The following RPS6KA1 variants were observed in gnomAD, a reference collection of about 807,000 sequenced individuals.
RPS6KA1 encodes the protein ribosomal protein S6 kinase A1, also known as ribosomal protein S6 kinase alpha-1.
Under a neutral mutation model 91.3 loss-of-function variants are expected in RPS6KA1, and 48 were observed. The observed-to-expected ratio is 0.53, with a 90% confidence interval of 0.42 to 0.67. The LOEUF (loss-of-function observed/expected upper bound fraction) is 0.67, where lower values mean the gene tolerates loss of function less well. Ranked by LOEUF, RPS6KA1 falls within the 30% of genes least tolerant of loss-of-function variation. The pLI, the probability that RPS6KA1 is intolerant of heterozygous loss-of-function variation, is 0.00. For synonymous variants in RPS6KA1, 359 were observed against 384.7 expected (o/e 0.93, Z 0.78); for missense variants, 719 against 960.5 (o/e 0.75, Z 3.32).
rs541054398 is a variant in RPS6KA1 at position 26,558,689 on chromosome 1, C to T, written c.1085-118C>T. The T allele has an allele frequency of 3.7e-5, 46 of 1,241,292 alleles. No individual in the cohort carries two copies. Among genetic ancestry groups the T allele is most frequent in the Non-Finnish European group, 4.8e-5 (42 of 883,392 alleles). The allele number at this position is 1,241,292 out of a possible 1,614,324, so 76.9% of individuals were successfully genotyped here. A position where few individuals can be genotyped will look rare whatever the true frequency, so the allele number is the denominator to read the frequency against. ...GTGATGGACAGGCCCTCTGCAGGCT[C>T]CCGCCACGGCCAGCCCCTGAGGCAG... On this transcript the variant is annotated intron_variant, in intron 13 of 21. Coordinates refer to ENST00000374168, the MANE Select transcript of RPS6KA1 (RefSeq NM_002953.4). This position sits in a 1 kb window ranked among gnomAD's most constrained non-coding sequence, Gnocchi z 4.0.
chr1:26,552,918 T>C, intron 6 of RPS6KA1: 1 of 347,356 alleles, frequency 2.9e-6, no homozygotes. Flanking sequence ...TATTGGTTTC[T>C]TGTTTAACTT....
chr1:26,572,388 C>T, intron 20 of RPS6KA1, 95 bp downstream of exon 20: 1 of 801,178 alleles, frequency 1.2e-6, no homozygotes, highest in South Asian at 1.5e-5. Flanking sequence ...CTCATTTCTC[C>T]AAGCGGATGT....
Position 26,555,085 on chromosome 1 carries a change from T to A in RPS6KA1, c.757-66T>A. ...TGGGACTGGGGCAGAGGGGTCTGACTGGGAGGAGGCGGGAGGTGTGTCGGA... is the reference window on the plus strand; with the variant it reads ...TGGGACTGGGGCAGAGGGGTCTGACAGGGAGGAGGCGGGAGGTGTGTCGGA... On this transcript the variant is annotated intron_variant, in intron 9 of 21. Coordinates refer to ENST00000374168, the MANE Select transcript of RPS6KA1 (RefSeq NM_002953.4). The surrounding 1 kb of genome is among the most constrained non-coding windows in gnomAD (Gnocchi z 4.3). 6.7e-7 allele frequency: 1 copy of A among 1,498,958 alleles called. No individual in the cohort carries two copies. Among genetic ancestry groups the A allele is most frequent in the Non-Finnish European group, 9.3e-7 (1 of 1,077,920 alleles). 92.9% of individuals were successfully genotyped at this position (1,498,958 alleles called of 1,614,324 possible).
chr1:26,570,988 C>T lies in RPS6KA1; in HGVS notation c.1591-461C>T, dbSNP rs377342603. On this transcript the variant is annotated intron_variant, in intron 17 of 21. Coordinates refer to ENST00000374168, the MANE Select transcript of RPS6KA1 (RefSeq NM_002953.4). ...AAATACAAAAATCAGCCAGCCATGG[C>T]GGCGGGTGCCTGTAATCCCAGCTAC... is the stretch of plus-strand genomic sequence containing the variant. Among the ~76,000 whole-genome samples, 21 of 148,998 alleles carry T rather than the reference C, an allele frequency of 1.4e-4. No individual in the cohort carries two copies. The East Asian group carries it at 2.1e-3, about 15-fold the overall frequency.
chr1:26,541,643 G>A (rs1037300461), intron 2 of RPS6KA1, among the ~76,000 whole-genome samples: 1 of 152,256 alleles, frequency 6.6e-6, no homozygotes, highest in African/African-American at 2.4e-5. Context: ...TCCTGACCTA[G>A]TGTTGGAGGC....
At position 26,561,003 on chromosome 1, in the gene RPS6KA1, C is replaced by T. The variant is rs181209389; in HGVS notation, c.1342-42C>T. 152 of 1,602,374 alleles carry T rather than the reference C, an allele frequency of 9.5e-5. 1 individual carries two copies. Among genetic ancestry groups the T allele is most frequent in the Non-Finnish European group, 1.3e-5 (15 of 1,170,510 alleles). ...CTCCATGGCCAGAAAGGACCCTGGA[C>T]CCTGTCACCCTGACACTGCCACATG... On this transcript the variant is annotated intron_variant, in intron 15 of 21. Coordinates refer to ENST00000374168, the MANE Select transcript of RPS6KA1 (RefSeq NM_002953.4). This position sits in a 1 kb window ranked among gnomAD's most constrained non-coding sequence, Gnocchi z 5.7.
rs529084159 is a variant in RPS6KA1, at chr1:26,574,145, G to C, written c.2152G>C (p.Glu718Gln). 1 of 1,614,054 alleles carries C rather than the reference G, an allele frequency of 6.2e-7. No homozygotes were observed. Among genetic ancestry groups the C allele is most frequent in the Admixed American group, 1.7e-5 (1 of 60,018 alleles). The change falls in exon 22 of 22, where the codon GAG becomes CAG. Residue 718 changes from glutamate to glutamine, a missense_variant. Physicochemically the swap from Glu to Gln is conservative, Grantham distance 29. Coordinates refer to ENST00000374168, the MANE Select transcript of RPS6KA1 (RefSeq NM_002953.4). The surrounding 1 kb of genome is among the most constrained non-coding windows in gnomAD (Gnocchi z 4.3). The stretch of plus-strand genomic sequence containing the variant: ...GCCCACCCCCCAGCTGAAGCCCATC[G>C]AGTCATCCATCCTGGCCCAGCGGCG... Reference protein sequence around the residue: ...SKPTPQLKPIESSILAQRRVR... With the variant: ...SKPTPQLKPIQSSILAQRRVR...
At chr1:26,530,861 G>C (rs1191882455) in intron 1 of RPS6KA1, 1 of 1,284,970 alleles carries the variant, frequency 7.8e-7, no homozygotes, top group East Asian at 5.6e-5. Flanking sequence ...GAATGAGCTG[G>C]TGGAAAACTT....
At chr1:26,530,906 A>G in intron 1 of RPS6KA1, 1 of 1,254,722 alleles carries the variant, frequency 8.0e-7, no homozygotes, top group Non-Finnish European at 1.0e-6. Flanking sequence ...GAAGCAGGTG[A>G]TATTCTCCTT....
chr1:26,543,346 C>T, intron 2 of RPS6KA1: 1 of 741,514 alleles, frequency 1.3e-6, no homozygotes, highest in Non-Finnish European at 2.3e-6. Context: ...CCAGGGAGTG[C>T]TCTCAGTCAG....
At chr1:26,556,154 C>T in intron 11 of RPS6KA1, 1 of 200,988 alleles carries the variant, frequency 5.0e-6, no homozygotes. Flanking sequence ...TGTGAACATG[C>T]CGGCATGTAG....
chr1:26,557,753 TCTCTC>T (rs1329120417), intron 13 of RPS6KA1, among the ~76,000 whole-genome samples: 3 of 141,948 alleles, frequency 2.1e-5, no homozygotes, highest in African/African-American at 8.0e-5. Flanking sequence ...GTGCTTTTCT[TCTCTC>T]CTCTCCTCCC....
Position 26,571,351 on chromosome 1 carries a change from C to A in RPS6KA1, c.1591-98C>A. On this transcript the variant is annotated intron_variant, in intron 17 of 21. Transcript: ENST00000374168. The surrounding 1 kb of genome is among the most constrained non-coding windows in gnomAD (Gnocchi z 5.1). ...ATGCCAAGTCCATGCACCCGTCCCT[C>A]TGCACCCTGTCTGTGTAGCTTTCTA... 8.3e-7 allele frequency: 1 copy of A among 1,209,008 alleles called. No individual in the cohort carries two copies. Among genetic ancestry groups the A allele is most frequent in the Non-Finnish European group, 1.2e-6 (1 of 834,894 alleles). 74.9% of individuals were successfully genotyped at this position (1,209,008 alleles called of 1,614,324 possible).
chr1:26,548,062 C>G (rs2076011261), intron 4 of RPS6KA1, among the ~76,000 whole-genome samples: 1 of 151,818 alleles, frequency 6.6e-6, no homozygotes, highest in Non-Finnish European at 1.5e-5. Context: ...CAGTCAGAGC[C>G]AAATCCTAGC....
intron 20 of RPS6KA1, 75 bp downstream of exon 20, chr1:26,572,368 C>A (rs2076256830): frequency 1.1e-6 from 1 of 913,218 alleles, no homozygotes; most frequent in Admixed American, 1.8e-5. Context: ...TTCAGCAGTT[C>A]ATGAACAGCC....
chr1:26,554,568 G>T lies in RPS6KA1; in HGVS notation c.614-28G>T, dbSNP rs1312493828. ...CAGCAAGGAAGGCAGGGGTCCTAAG[G>T]TGTGTCCTCCTGCCCTCCTTGCTGT... is the stretch of plus-strand genomic sequence containing the variant. On this transcript the variant is annotated intron_variant, in intron 8 of 21. Coordinates refer to ENST00000374168, the MANE Select transcript of RPS6KA1 (RefSeq NM_002953.4). The surrounding 1 kb of genome is among the most constrained non-coding windows in gnomAD (Gnocchi z 4.6). The T allele has an allele frequency of 6.3e-7, 1 of 1,598,720 alleles. No homozygotes were observed. Among genetic ancestry groups the T allele is most frequent in the Non-Finnish European group, 8.6e-7 (1 of 1,169,146 alleles).
At chr1:26,544,021 C>T in intron 2 of RPS6KA1, 1 of 454,574 alleles carries the variant, frequency 2.2e-6, no homozygotes, top group South Asian at 1.5e-5. Flanking sequence ...AGAGTCCTCT[C>T]CTGAGTGGTG....
At chr1:26,560,353 A>C (rs1315463537) in intron 14 of RPS6KA1, among the ~76,000 whole-genome samples, 1 of 152,206 alleles carries the variant, frequency 6.6e-6, no homozygotes, top group Non-Finnish European at 1.5e-5. Context: ...AGGCCACTCA[A>C]AGCCGTACTT....
chr1:26,556,007 G>C (rs2076098319), intron 11 of RPS6KA1: 2 of 277,778 alleles, frequency 7.2e-6, no homozygotes, highest in African/African-American at 4.3e-5. Flanking sequence ...ATAAATATTT[G>C]TTAAACGAAT....
Sources: allele counts gnomAD v4.1 joint callset (sites outside exome capture counted in the v4.1 genomes callset), GRCh38; gene constraint gnomAD v4.1.1; non-coding constraint Gnocchi (gnomAD v3.1); transcripts MANE v1.5; gene names NCBI Gene and HGNC (gene_info 2026-07-23, HGNC 2026-07-21).